Variants in TSNARE1 observed in about 807,000 individuals in gnomAD.
TSNARE1 encodes t-SNARE domain-containing protein 1.
TSNARE1 carries 49 observed loss-of-function variants against 62.0 expected under a neutral mutation model. The observed-to-expected ratio is 0.79, with a 90% CI of 0.63 to 1.00. TSNARE1 has a LOEUF of 1.00. Ranked by LOEUF, TSNARE1 falls within the 50% of genes least tolerant of loss-of-function variation. TSNARE1 has a pLI of 0.00. For synonymous variants in TSNARE1, 328 were observed against 294.4 expected (o/e 1.11, Z -1.17); for missense variants, 755 against 700.1 (o/e 1.08, Z -0.88).
At chr8:142,239,703 G>A (rs1311309006) in intron 12 of TSNARE1, among the ~76,000 whole-genome samples, 1 of 152,212 alleles carries the variant, frequency 6.6e-6, no homozygotes, top group East Asian at 1.9e-4. Flanking sequence ...AGTGGGGCCT[G>A]TGATTAGCGA....
chr8:142,290,344 AAG>A (rs1272011791), intron 10 of TSNARE1, among the ~76,000 whole-genome samples: 2 of 152,156 alleles, frequency 1.3e-5, no homozygotes, highest in African/African-American at 2.4e-5. Context: ...GAGAGCGGGG[AAG>A]ACCCAGAACT....
chr8:142,354,984 A>G (rs1222744167), intron 1 of TSNARE1, among the ~76,000 whole-genome samples: 1 of 151,266 alleles, frequency 6.6e-6, no homozygotes, highest in Non-Finnish European at 1.5e-5. Flanking sequence ...CCCTGCAGGA[A>G]CACAGAAACA....
intron 11 of TSNARE1, among the ~76,000 whole-genome samples, chr8:142,283,483 GTGTC>G (rs1453539290): frequency 6.7e-6 from 1 of 149,116 alleles, no homozygotes; most frequent in Non-Finnish European, 1.5e-5. Context: ...GGCGGGGCCA[GTGTC>G]TGTCAATGAG....
At chr8:142,255,680 CCACCAT>C (rs1818435997) in intron 12 of TSNARE1, among the ~76,000 whole-genome samples, 1 of 42,526 alleles carries the variant, frequency 2.4e-5, no homozygotes, top group Non-Finnish European at 6.3e-5. Context: ...ACCACCACCA[CCACCAT>C]CACCATCACC....
chr8:142,223,129 T>C (rs148549068), intron 13 of TSNARE1, among the ~76,000 whole-genome samples: 11 of 63,454 alleles, frequency 1.7e-4, no homozygotes, highest in East Asian at 6.4e-4. Flanking sequence ...CATTCACTCA[T>C]TCACTCATTC....
At chr8:142,269,527 C>T in intron 12 of TSNARE1, 1 of 984,958 alleles carries the variant, frequency 1.0e-6, no homozygotes, top group Non-Finnish European at 1.2e-6. Context: ...CAAGGTTTTG[C>T]TATGCTGTCC....
intron 11 of TSNARE1, chr8:142,277,569 T>C (rs1586964310): frequency 2.0e-6 from 2 of 985,432 alleles, no homozygotes; most frequent in Admixed American, 6.1e-5. Context: ...TGGCAGCCAC[T>C]TTCCTACTTC....
rs1055733962 is a variant in TSNARE1, at chr8:142,291,518, C to A, written c.1291-7033G>T. Among the ~76,000 whole-genome samples the A allele has an allele frequency of 6.6e-6, 1 of 152,132 alleles. No homozygotes were observed. Among genetic ancestry groups the A allele is most frequent in the Admixed American group, 6.5e-5 (1 of 15,282 alleles). ...AAACACACTCACCCAGCCCCCGACC[C>A]AGCCCTCCTCCACCCACCCCACCCA... On this transcript the variant is annotated intron_variant, in intron 10 of 13. Transcript: ENST00000524325. The surrounding 1 kb of genome is among the most constrained non-coding windows in gnomAD (Gnocchi z 4.8).
chr8:142,306,023 C>T (rs1258448364), intron 9 of TSNARE1, among the ~76,000 whole-genome samples: 1 of 152,168 alleles, frequency 6.6e-6, no homozygotes, highest in Non-Finnish European at 1.5e-5. Flanking sequence ...CACTCCGACC[C>T]GAGGGAGGGC....
chr8:142,400,031 G>A (rs1838171569), intron 1 of TSNARE1, among the ~76,000 whole-genome samples: 1 of 151,082 alleles, frequency 6.6e-6, no homozygotes, highest in African/African-American at 2.4e-5. Flanking sequence ...AGTGAGACAC[G>A]CCTATCTCAA....
intron 1 of TSNARE1, among the ~76,000 whole-genome samples, chr8:142,376,250 T>C (rs1041636233): frequency 3.9e-5 from 6 of 152,160 alleles, no homozygotes; most frequent in African/African-American, 7.2e-5. Context: ...CACATGTGTC[T>C]TGGTGCCCTG....
At chr8:142,356,536 G>C (rs932532703) in intron 1 of TSNARE1, among the ~76,000 whole-genome samples, 1 of 152,188 alleles carries the variant, frequency 6.6e-6, no homozygotes, top group Non-Finnish European at 1.5e-5. Context: ...GGCCTCATCG[G>C]GAAAAGCTCA....
In TSNARE1 at chr8:142,344,204, CT is replaced by C. The variant is rs1833035165; in HGVS notation, c.506del (p.Gln169ArgfsTer3). 1 of 1,613,506 alleles carries C rather than the reference CT, an allele frequency of 6.2e-7. No individual in the cohort carries two copies. Among genetic ancestry groups the C allele is most frequent in the Non-Finnish European group, 8.5e-7 (1 of 1,179,904 alleles). On this transcript the variant is annotated frameshift_variant, in exon 4 of 14. Coordinates refer to ENST00000524325, the MANE Select transcript of TSNARE1 (RefSeq NM_145003.5). LOFTEE classifies it high-confidence loss of function. ...RRYRVWSRIL[Q>X]AVNALGYCRR... ...GACAGTAGCCCAGCGCATTCACGGC[CT>C]GCAGGATGCGGCTCCACACGCGGTA...
chr8:142,278,073 C>T (rs977236527), intron 11 of TSNARE1: 19 of 985,294 alleles, frequency 1.9e-5, no homozygotes, highest in Admixed American at 6.1e-5. Flanking sequence ...CCTGAGAGGA[C>T]CCAGATCCTC....
intron 4 of TSNARE1, among the ~76,000 whole-genome samples, chr8:142,340,654 G>C (rs1413000552): frequency 1.3e-5 from 2 of 152,262 alleles, no homozygotes; most frequent in Non-Finnish European, 2.9e-5. Context: ...AAAGGCCCCA[G>C]AGCTGGGAAA....
chr8:142,328,610 T>C (rs1316886537), intron 6 of TSNARE1, among the ~76,000 whole-genome samples: 1 of 152,222 alleles, frequency 6.6e-6, no homozygotes, highest in Non-Finnish European at 1.5e-5. Context: ...TAGTTCTTCT[T>C]TTCGGCATCA....
At position 142,217,789 on chromosome 8, in the gene TSNARE1, G is replaced by A. The variant is rs1405853865; in HGVS notation, c.*12-5476C>T. Among the ~76,000 whole-genome samples the A allele has an allele frequency of 6.7e-5, 10 of 148,634 alleles. No individual in the cohort carries two copies. In the East Asian group the frequency reaches 9.8e-4, roughly 15 times the overall value. Reference sequence around the variant, plus strand: ...AGCTTAGTTTGTGACCAGGATCAGCGTTCAGGGTGTGGCCAGGATCAGCGT... The same window carrying A: ...AGCTTAGTTTGTGACCAGGATCAGCATTCAGGGTGTGGCCAGGATCAGCGT... On this transcript the variant is annotated intron_variant, in intron 13 of 13. Coordinates refer to ENST00000524325, the MANE Select transcript of TSNARE1 (RefSeq NM_145003.5).
At chr8:142,399,089 G>A (rs186822975) in intron 1 of TSNARE1, among the ~76,000 whole-genome samples, 128 of 152,332 alleles carry the variant, frequency 8.4e-4, no homozygotes, top group Non-Finnish European at 1.2e-3. Context: ...ACTGGGCTCC[G>A]TAGGTGAGGA....
At chr8:142,306,875 G>A (rs1415124736) in intron 9 of TSNARE1, among the ~76,000 whole-genome samples, 1 of 152,178 alleles carries the variant, frequency 6.6e-6, no homozygotes, top group Non-Finnish European at 1.5e-5. Context: ...AAAGGATATA[G>A]CTCTATGACT....
Sources: gnomAD v4.1 joint callset for allele counts (sites outside exome capture counted in the v4.1 genomes callset) on GRCh38, gnomAD v4.1.1 for gene constraint, Gnocchi (gnomAD v3.1) non-coding constraint, MANE v1.5 for transcripts, NCBI Gene and HGNC (gene_info 2026-07-23, HGNC 2026-07-21) for gene names.